CENPK: variants seen among roughly 807,000 people sequenced by gnomAD.
CENPK encodes the protein centromere protein K.
CENPK carries 46 observed loss-of-function variants against 40.9 expected under a neutral mutation model. The observed-to-expected ratio is 1.13, with a 90% CI of 0.89 to 1.44. The LOEUF (loss-of-function observed/expected upper bound fraction) is 1.44, where lower values mean the gene tolerates loss of function less well. Ranked by LOEUF, CENPK falls within the 40% of genes most tolerant of loss-of-function variation. The probability of loss-of-function intolerance (pLI) is 0.00; values close to 1 mark genes in which losing one functional copy is unlikely to be tolerated. For synonymous variants in CENPK, 107 were observed against 104.4 expected, an observed-to-expected ratio of 1.02 and a Z score of -0.15; for missense variants, 288 against 303.5, an observed-to-expected ratio of 0.95 and a Z score of 0.38.
intron 9 of CENPK, among the ~76,000 whole-genome samples, chr5:65,523,797 G>C (rs1474998815): frequency 1.3e-5 from 2 of 152,154 alleles, no homozygotes; most frequent in African/African-American, 2.4e-5. Context: ...ATATTCTTAT[G>C]TTATTGGTTC....
chr5:65,555,131 G>C lies in CENPK; in HGVS notation c.-39-185C>G. 3 of 321,194 alleles carry C rather than the reference G, an allele frequency of 9.3e-6. No individual in the cohort carries two copies. The South Asian group carries it at 2.0e-4, about 21-fold the overall frequency. 19.9% of individuals were successfully genotyped at this position (321,194 alleles called of 1,614,324 possible). A position where few individuals can be genotyped will look rare whatever the true frequency, so the allele number is the denominator to read the frequency against. On this transcript the variant is annotated intron_variant, in intron 2 of 10. Transcript: ENST00000396679. Reference sequence around the variant, plus strand: ...AAAAATAAAACATATATATACTGTAGTATATCAAATGATTTATAAGTGCCA... The same window carrying C: ...AAAAATAAAACATATATATACTGTACTATATCAAATGATTTATAAGTGCCA...
At chr5:65,549,433 A>G (rs1480620343) in intron 5 of CENPK, among the ~76,000 whole-genome samples, 1 of 152,176 alleles carries the variant, frequency 6.6e-6, no homozygotes, top group Non-Finnish European at 1.5e-5. Context: ...AAGAGAGTCA[A>G]CCTGTCCTTT....
chr5:65,507,853 G>A, the CENPK span, among the ~76,000 whole-genome samples: 1 of 152,066 alleles, frequency 6.6e-6, no homozygotes, highest in South Asian at 2.1e-4. Context: ...TCCAATTTGA[G>A]TTTATCGGGC....
chr5:65,525,592 G>A (rs1744555681), intron 9 of CENPK, among the ~76,000 whole-genome samples: 1 of 152,126 alleles, frequency 6.6e-6, no homozygotes, highest in Admixed American at 6.5e-5. Flanking sequence ...ACATCTTTGA[G>A]TTATAAAGTC....
intron 9 of CENPK, among the ~76,000 whole-genome samples, chr5:65,522,095 A>T (rs1743874783): frequency 6.6e-6 from 1 of 152,236 alleles, no homozygotes; most frequent in Non-Finnish European, 1.5e-5. Context: ...AACTATCCAT[A>T]AGCATATAAT....
At chr5:65,501,747 T>A in the CENPK span, among the ~76,000 whole-genome samples, 16 of 152,244 alleles carry the variant, frequency 1.1e-4, no homozygotes, top group East Asian at 1.9e-3. Flanking sequence ...AAGTGCTTTG[T>A]GACATCTGGG....
chr5:65,521,393 T>C, intron 10 of CENPK, 82 bp downstream of exon 10: 1 of 877,762 alleles, frequency 1.1e-6, no homozygotes, highest in South Asian at 1.5e-5. Flanking sequence ...AAGCAGTATT[T>C]TTTGTTTTTC....
At chr5:65,527,364 T>C (rs1744890537) in intron 9 of CENPK, among the ~76,000 whole-genome samples, 1 of 151,682 alleles carries the variant, frequency 6.6e-6, no homozygotes. Context: ...GTCCATAGTA[T>C]AAATCCTAAT....
intron 6 of CENPK, among the ~76,000 whole-genome samples, chr5:65,536,652 T>TGG (rs11374176): frequency 6.2e-4 from 94 of 151,340 alleles, no homozygotes; most frequent in East Asian, 3.7e-3. Flanking sequence ...ATGTAGGGAT[T>TGG]GGGGGGGAGA....
the CENPK span, among the ~76,000 whole-genome samples, chr5:65,504,611 T>C: frequency 6.6e-6 from 1 of 152,188 alleles, no homozygotes; most frequent in Non-Finnish European, 1.5e-5. Context: ...TTTTTCCCAC[T>C]ATGAATAGGC....
the CENPK span, among the ~76,000 whole-genome samples, chr5:65,497,154 G>A: frequency 6.6e-6 from 1 of 151,928 alleles, no homozygotes; most frequent in Non-Finnish European, 1.5e-5. Flanking sequence ...GACTACCTGA[G>A]GTCAGGAGTT....
downstream of CENPK, among the ~76,000 whole-genome samples, chr5:65,513,252 C>A (rs149977249): frequency 2.0e-5 from 3 of 152,126 alleles, no homozygotes; most frequent in African/African-American, 7.2e-5. Flanking sequence ...CAGTGTCAGT[C>A]CTCTAACTTT....
chr5:65,504,458 A>C, the CENPK span, among the ~76,000 whole-genome samples: 15 of 20,148 alleles, frequency 7.4e-4, no homozygotes, highest in Non-Finnish European at 1.4e-3. Flanking sequence ...ATTCCGTATC[A>C]AAAAAAAAAA....
chr5:65,539,302 T>C (rs1479562969), intron 6 of CENPK, among the ~76,000 whole-genome samples: 1 of 152,198 alleles, frequency 6.6e-6, no homozygotes, highest in East Asian at 1.9e-4. Flanking sequence ...CTCATCTAAA[T>C]ATGATTTAAA....
chr5:65,504,660 A>G, the CENPK span, among the ~76,000 whole-genome samples: 3 of 152,136 alleles, frequency 2.0e-5, no homozygotes, highest in East Asian at 5.8e-4. Context: ...ATTTTCCTTT[A>G]AACATATATT....
chr5:65,516,049 C>T (rs1209063472), downstream of CENPK, among the ~76,000 whole-genome samples: 1 of 152,144 alleles, frequency 6.6e-6, no homozygotes, highest in Non-Finnish European at 1.5e-5. Context: ...AGGGCACTAA[C>T]CTTATGTTAG....
the CENPK span, among the ~76,000 whole-genome samples, chr5:65,498,627 CTTTTTTCTTTTTT>C: frequency 7.4e-6 from 1 of 135,800 alleles, no homozygotes; most frequent in Admixed American, 7.2e-5. Context: ...CTTTCTTTTT[CTTTTTTCTTTTTT>C]TTTTTTTAGA....
intron 1 of CENPK, among the ~76,000 whole-genome samples, chr5:65,562,149 CATT>C (rs1008643300): frequency 4.6e-5 from 7 of 152,020 alleles, no homozygotes; most frequent in South Asian, 2.1e-4. Flanking sequence ...TAACTAGCTA[CATT>C]ATTATTATCA....
At chr5:65,539,262 C>T (rs1252840471) in intron 6 of CENPK, among the ~76,000 whole-genome samples, 2 of 152,148 alleles carry the variant, frequency 1.3e-5, no homozygotes, top group Non-Finnish European at 2.9e-5. Flanking sequence ...ACTTATTCTA[C>T]CAGCAACTCA....
Sources: allele counts gnomAD v4.1 joint callset (sites outside exome capture counted in the v4.1 genomes callset), GRCh38; gene constraint gnomAD v4.1.1; transcripts MANE v1.5; gene names NCBI Gene and HGNC (gene_info 2026-07-23, HGNC 2026-07-21).